SSH1: variants seen among roughly 807,000 people sequenced by gnomAD.
The protein encoded by SSH1 is slingshot protein phosphatase 1.
In SSH1, 43 loss-of-function variants were observed where a neutral mutation model predicts 79.7. The observed-to-expected ratio is 0.54, with a 90% CI of 0.42 to 0.70. SSH1 has a LOEUF of 0.70. Among genes scored for constraint, SSH1 ranks in the 30% least tolerant of loss-of-function variants. SSH1 has a pLI of 0.00. For synonymous variants in SSH1, 599 were observed against 538.3 expected (o/e 1.11, Z -1.56); for missense variants, 1,206 against 1,358.8 (o/e 0.89, Z 1.77).
At chr12:108,832,396 A>G (rs1483397783) in intron 2 of SSH1, among the ~76,000 whole-genome samples, 3 of 151,916 alleles carry the variant, frequency 2.0e-5, no homozygotes, top group African/African-American at 4.8e-5. Flanking sequence ...CATCTGGCTA[A>G]TAAGAGGTAG....
chr12:108,818,142 G>A, intron 4 of SSH1, 107 bp downstream of exon 4: 1 of 912,904 alleles, frequency 1.1e-6, no homozygotes, highest in East Asian at 2.5e-5. Context: ...AGGCTGTAGT[G>A]AGCTAAGATC....
At chr12:108,854,605 T>A (rs1020665420) in intron 1 of SSH1, among the ~76,000 whole-genome samples, 1 of 152,160 alleles carries the variant, frequency 6.6e-6, no homozygotes, top group South Asian at 2.1e-4. Context: ...GCCCTAAGTG[T>A]CTGACTCATT....
At position 108,806,374 on chromosome 12, in the gene SSH1, G is replaced by A; in HGVS notation, c.752C>T (p.Thr251Ile). 6.2e-7 allele frequency: 1 copy of A among 1,614,170 alleles called. No individual in the cohort carries two copies. The highest frequency in any genetic ancestry group is 8.5e-7 in the Non-Finnish European group (1 of 1,180,022). Residue 251 changes from threonine to isoleucine, a missense_variant, in exon 9 of 15, where the codon ACC becomes ATC. Around this residue, in one of 5 missense-constraint regions of SSH1, gnomAD observed 116 missense variants for 109.0 expected, o/e 1.06. Coordinates refer to ENST00000326495, the MANE Select transcript of SSH1 (RefSeq NM_018984.4). ...FVDKPTEGERTERLIKAKLRS... is the reference protein window; with the variant it reads ...FVDKPTEGERIERLIKAKLRS... ...GAGCTTGGCTTTGATGAGGCGCTCGGTCCTTTCCCCTTCAGTGGGCCTGGA... is the reference window on the plus strand; with the variant it reads ...GAGCTTGGCTTTGATGAGGCGCTCGATCCTTTCCCCTTCAGTGGGCCTGGA...
In SSH1 at chr12:108,811,777, C is replaced by T. The variant is rs186479446; in HGVS notation, c.402-449G>A. On this transcript the variant is annotated intron_variant, in intron 5 of 14. Transcript: ENST00000326495. ...TAGTGTGGCTGCGGTTTTACAATCT[C>T]GCTTAATCTGGTTTTGTTTTGCCCA... The T allele has an allele frequency of 4.1e-4, 102 of 249,576 alleles. 2 individuals are homozygous for T. In the South Asian group the frequency reaches 4.1e-3, roughly 10 times the overall value. 15.5% of individuals were successfully genotyped at this position (249,576 alleles called of 1,614,324 possible). A position where few individuals can be genotyped will look rare whatever the true frequency, so the allele number is the denominator to read the frequency against.
intron 1 of SSH1, among the ~76,000 whole-genome samples, chr12:108,856,908 A>T: frequency 6.6e-6 from 1 of 152,202 alleles, no homozygotes; most frequent in Non-Finnish European, 1.5e-5. Flanking sequence ...CTGCAGAGTC[A>T]CTCACAAATG....
intron 11 of SSH1, among the ~76,000 whole-genome samples, chr12:108,801,736 T>TAA (rs10710750): frequency 5.8e-5 from 8 of 137,710 alleles, no homozygotes; most frequent in Admixed American, 1.4e-4. Context: ...TGTGTTGTTT[T>TAA]AAAAAAAAAA....
intron 13 of SSH1, among the ~76,000 whole-genome samples, chr12:108,798,559 TG>T (rs2036849517): frequency 1.1e-5 from 1 of 95,228 alleles, no homozygotes; most frequent in Admixed American, 9.2e-5. Flanking sequence ...CTGATGGGCT[TG>T]CCCTGACTTG....
At chr12:108,811,803 T>A (rs865925801) in intron 5 of SSH1, among the ~76,000 whole-genome samples, 1 of 152,232 alleles carries the variant, frequency 6.6e-6, no homozygotes, top group Middle Eastern at 3.4e-3. Context: ...GTTTTGCCCA[T>A]CCTACCAGTG....
At chr12:108,802,861 A>C (rs969412173) in intron 10 of SSH1, among the ~76,000 whole-genome samples, 3 of 152,228 alleles carry the variant, frequency 2.0e-5, no homozygotes, top group South Asian at 4.1e-4. Context: ...TCCTGAGGAA[A>C]TAATCAGAAC....
intron 7 of SSH1, among the ~76,000 whole-genome samples, chr12:108,809,221 G>A (rs940551200): frequency 2.6e-5 from 4 of 151,892 alleles, no homozygotes; most frequent in Admixed American, 2.0e-4. Flanking sequence ...GGAGGCTGAG[G>A]TGGGAGGACT....
At chr12:108,856,597 C>T in intron 1 of SSH1, among the ~76,000 whole-genome samples, 1 of 152,346 alleles carries the variant, frequency 6.6e-6, no homozygotes, top group South Asian at 2.1e-4. Flanking sequence ...CCACACAGAG[C>T]CCACAGCACG....
chr12:108,812,145 T>A (rs1404938719), intron 5 of SSH1, among the ~76,000 whole-genome samples: 1 of 152,158 alleles, frequency 6.6e-6, no homozygotes, highest in Non-Finnish European at 1.5e-5. Context: ...GTGGGGAAGG[T>A]TGTTCCAAGC....
intron 2 of SSH1, chr12:108,825,965 CT>C (rs1390062724): frequency 2.7e-6 from 1 of 371,278 alleles, no homozygotes; most frequent in Non-Finnish European, 5.2e-6. Flanking sequence ...TCATCAAAAT[CT>C]GAAACAGCTA....
At chr12:108,851,217 G>A (rs947791431) in intron 2 of SSH1, among the ~76,000 whole-genome samples, 7 of 152,140 alleles carry the variant, frequency 4.6e-5, no homozygotes, top group African/African-American at 1.7e-4. Context: ...GCAGGCTAGT[G>A]TTTCCCTACC....
In SSH1 at chr12:108,788,737, T is replaced by G. The variant is rs148621849; in HGVS notation, c.2401A>C (p.Thr801Pro). 1 of 1,614,124 alleles carries G rather than the reference T, an allele frequency of 6.2e-7. No homozygotes were observed. Among genetic ancestry groups the G allele is most frequent in the African/African-American group, 1.3e-5 (1 of 74,940 alleles). The change falls in exon 15 of 15, where the codon ACA becomes CCA. Residue 801 changes from threonine (T) to proline (P), a missense_variant. Physicochemically the swap from Thr to Pro is conservative, Grantham distance 38. This residue lies in a region of SSH1 where 709 missense variants were observed against 730.6 expected (regional missense o/e 0.97). Coordinates refer to ENST00000326495, the MANE Select transcript of SSH1 (RefSeq NM_018984.4). The stretch of plus-strand genomic sequence containing the variant: ...TGCTGCATCAGGTAGCTGTTGGTTG[T>G]CGGCTTCTCAGATTCATTACTGAAC... ...LLFSNESEKP[T>P]TNSYLMQHQE...
intron 10 of SSH1, 71 bp downstream of exon 10, chr12:108,804,985 A>G: frequency 6.3e-7 from 1 of 1,581,230 alleles, no homozygotes; most frequent in Non-Finnish European, 8.6e-7. Context: ...CGGACTTGCT[A>G]CAAACTCTTA....
At chr12:108,809,798 A>G (rs926162880) in intron 6 of SSH1, 40 bp from the exon 7 acceptor site, 12 of 1,570,766 alleles carry the variant, frequency 7.6e-6, no homozygotes, top group Non-Finnish European at 1.1e-5. Context: ...CTGTGGTGAG[A>G]AATCAGCGCC....
chr12:108,798,106 G>A (rs1056406441), intron 13 of SSH1, among the ~76,000 whole-genome samples: 25 of 152,224 alleles, frequency 1.6e-4, no homozygotes, highest in Non-Finnish European at 3.7e-4. Flanking sequence ...TCCTCCACTC[G>A]CTCACCCCAG....
At chr12:108,804,031 A>G (rs1017899744) in intron 10 of SSH1, among the ~76,000 whole-genome samples, 1 of 152,160 alleles carries the variant, frequency 6.6e-6, no homozygotes, top group African/African-American at 2.4e-5. Context: ...ACCATTAGTT[A>G]GCACCTGCAA....
Sources: gnomAD v4.1 joint callset for allele counts (sites outside exome capture counted in the v4.1 genomes callset) on GRCh38, gnomAD v4.1.1 for gene constraint, gnomAD v4.1.1 regional missense constraint, MANE v1.5 for transcripts, NCBI Gene and HGNC (gene_info 2026-07-23, HGNC 2026-07-21) for gene names.